The following OSBPL9 variants were observed in gnomAD, a reference collection of about 807,000 sequenced individuals.
OSBPL9 encodes the protein oxysterol-binding protein-related protein 9.
OSBPL9 carries 40 observed loss-of-function variants against 106.6 expected under a neutral mutation model. The observed-to-expected ratio is 0.38, with a 90% CI of 0.29 to 0.49. OSBPL9 has a LOEUF of 0.49. Among genes scored for constraint, OSBPL9 ranks in the 20% least tolerant of loss-of-function variants. The pLI, the probability that OSBPL9 is intolerant of heterozygous loss-of-function variation, is 0.97. For missense variants in OSBPL9, 609 were observed against 887.2 expected, an observed-to-expected ratio of 0.69 and a Z score of 3.98; for synonymous variants, 269 against 295.4, an observed-to-expected ratio of 0.91 and a Z score of 0.92.
At chr1:51,691,468 C>T (rs906439144) in intron 3 of OSBPL9, among the ~76,000 whole-genome samples, 3 of 151,346 alleles carry the variant, frequency 2.0e-5, no homozygotes, top group Non-Finnish European at 2.9e-5. Flanking sequence ...TTAGTAGACA[C>T]GGGGTTTCAC....
chr1:51,563,618 C>A, the OSBPL9 span: 1 of 152,156 alleles, frequency 6.6e-6, no homozygotes, highest in Non-Finnish European at 1.5e-5. Context: ...AGAGAGACCC[C>A]CCTCACCTTA....
intron 3 of OSBPL9, among the ~76,000 whole-genome samples, chr1:51,697,476 T>C (rs894214228): frequency 2.0e-5 from 3 of 147,318 alleles, no homozygotes; most frequent in Non-Finnish European, 3.0e-5. Flanking sequence ...TTTTTTTTTT[T>C]ACTTAAATTG....
At chr1:51,663,620 C>A (rs1201431148) in intron 2 of OSBPL9, among the ~76,000 whole-genome samples, 1 of 152,060 alleles carries the variant, frequency 6.6e-6, no homozygotes. Context: ...ACATAGAAAG[C>A]AGAACTATAA....
the OSBPL9 span, chr1:51,519,143 C>T: frequency 7.9e-6 from 10 of 1,272,318 alleles, no homozygotes; most frequent in East Asian, 2.9e-5. Flanking sequence ...AAGCTGAGGG[C>T]GGTGGGGGAG....
intron 2 of OSBPL9, among the ~76,000 whole-genome samples, chr1:51,652,846 T>C (rs989996486): frequency 6.6e-6 from 1 of 152,256 alleles, no homozygotes; most frequent in African/African-American, 2.4e-5. Flanking sequence ...CAGTTTCTAG[T>C]ATCCCATTGT....
chr1:51,709,341 G>T (rs77231949), intron 3 of OSBPL9: 6,149 of 216,470 alleles, frequency 0.028, 105 homozygotes, highest in Non-Finnish European at 0.042. Context: ...TGCCTTTAGG[G>T]ATAAGTACAA....
the OSBPL9 span, among the ~76,000 whole-genome samples, chr1:51,555,095 A>G: frequency 6.6e-6 from 1 of 152,338 alleles, no homozygotes; most frequent in South Asian, 2.1e-4. Context: ...AAGGTTGTGA[A>G]GTAACTTTTA....
chr1:51,518,285 A>T, the OSBPL9 span: 1 of 152,308 alleles, frequency 6.6e-6, no homozygotes, highest in African/African-American at 2.4e-5. Context: ...AAGCACAAGG[A>T]CTGGACTTTG....
At chr1:51,719,229 G>A (rs1001988652) in intron 4 of OSBPL9, among the ~76,000 whole-genome samples, 5 of 152,062 alleles carry the variant, frequency 3.3e-5, no homozygotes, top group Non-Finnish European at 5.9e-5. Flanking sequence ...TCATCCTTTC[G>A]GCTCTTATGG....
At chr1:51,779,995 G>A (rs528454727) in intron 15 of OSBPL9, among the ~76,000 whole-genome samples, 118 of 151,398 alleles carry the variant, frequency 7.8e-4, no homozygotes, top group African/African-American at 2.5e-3. Flanking sequence ...GGAGAATGGC[G>A]TGAACCCGGC....
At chr1:51,704,623 A>C (rs1253815924) in intron 3 of OSBPL9, among the ~76,000 whole-genome samples, 3 of 152,212 alleles carry the variant, frequency 2.0e-5, no homozygotes, top group African/African-American at 7.2e-5. Context: ...CAGCATGGTC[A>C]GGTTCTGGTG....
chr1:51,627,104 A>G (rs1644811590), intron 1 of OSBPL9, among the ~76,000 whole-genome samples: 1 of 152,142 alleles, frequency 6.6e-6, no homozygotes, highest in Non-Finnish European at 1.5e-5. Context: ...TCCCAGGCCA[A>G]GTGATCCTAC....
chr1:51,693,398 A>G (rs1655394553), intron 3 of OSBPL9, among the ~76,000 whole-genome samples: 1 of 151,318 alleles, frequency 6.6e-6, no homozygotes, highest in Non-Finnish European at 1.5e-5. Flanking sequence ...AAAGAGAGAG[A>G]GAGAGAAAAG....
In OSBPL9 at chr1:51,787,453, G is replaced by A. The variant is rs776879933; in HGVS notation, c.2101G>A (p.Glu701Lys). Reference protein sequence around the residue: ...LEERQRAEARERKEKEIQWET... With the variant: ...LEERQRAEARKRKEKEIQWET... ...AGAAAGACAAAGAGCAGAAGCCCGA[G>A]AAAGGAAGGAGAAGGAAATTCAGTG... is the stretch of plus-strand genomic sequence containing the variant. The change falls in exon 23 of 24, where the codon GAA (glutamate) becomes AAA (lysine). Residue 701 changes from glutamate to lysine, a missense_variant. Coordinates refer to ENST00000428468, the MANE Select transcript of OSBPL9 (RefSeq NM_024586.6). 5 of 1,614,044 alleles carry A rather than the reference G, an allele frequency of 3.1e-6. No homozygotes were observed. Among genetic ancestry groups the A allele is most frequent in the Non-Finnish European group, 1.7e-6 (2 of 1,179,924 alleles).
chr1:51,639,682 C>T (rs1645653869), intron 1 of OSBPL9, among the ~76,000 whole-genome samples: 1 of 152,120 alleles, frequency 6.6e-6, no homozygotes, highest in Non-Finnish European at 1.5e-5. Context: ...TCACTTTTAG[C>T]TGTGAGAGAT....
At chr1:51,691,576 G>A (rs887582016) in intron 3 of OSBPL9, among the ~76,000 whole-genome samples, 3 of 151,584 alleles carry the variant, frequency 2.0e-5, no homozygotes, top group African/African-American at 7.3e-5. Flanking sequence ...TTGAGCCACC[G>A]CACCCAGCCA....
At chr1:51,544,742 A>G in the OSBPL9 span, among the ~76,000 whole-genome samples, 1 of 152,102 alleles carries the variant, frequency 6.6e-6, no homozygotes, top group South Asian at 2.1e-4. Context: ...ACTAAATCTT[A>G]ATATATAATA....
chr1:51,600,078 C>G (rs1645319457), intron 2 of OSBPL9, among the ~76,000 whole-genome samples: 1 of 152,212 alleles, frequency 6.6e-6, no homozygotes, highest in Non-Finnish European at 1.5e-5. Context: ...AATCACCTCC[C>G]AAAGGCCCCA....
At chr1:51,664,012 C>T (rs1292539293) in intron 2 of OSBPL9, among the ~76,000 whole-genome samples, 3 of 152,156 alleles carry the variant, frequency 2.0e-5, no homozygotes, top group African/African-American at 2.4e-5. Context: ...TTGAAACTGT[C>T]GTATACCACT....
Sources: allele counts gnomAD v4.1 joint callset (sites outside exome capture counted in the v4.1 genomes callset), GRCh38; gene constraint gnomAD v4.1.1; transcripts MANE v1.5; gene names NCBI Gene and HGNC (gene_info 2026-07-23, HGNC 2026-07-21).